The following HNRNPA3 variants were observed in gnomAD, a reference collection of about 807,000 sequenced individuals.
HNRNPA3 encodes the protein heterogeneous nuclear ribonucleoprotein A3.
Under a neutral mutation model 45.8 loss-of-function variants are expected in HNRNPA3, and 3 were observed. That is an observed-to-expected ratio of 0.07 (90% CI 0.03 to 0.17). The LOEUF is 0.17. Among genes scored for constraint, HNRNPA3 ranks in the 10% least tolerant of loss-of-function variants. The pLI is 1.00. For missense variants in HNRNPA3, 183 were observed against 480.3 expected (o/e 0.38, Z 5.79); for synonymous variants, 170 against 155.6 (o/e 1.09, Z -0.69).
At chr2:177,216,149 G>C in exon 4 of HNRNPA3, 1 of 1,584,766 alleles carries the variant, frequency 6.3e-7, no homozygotes, top group Non-Finnish European at 8.6e-7. Context: ...ATTTGCTTTT[G>C]TAACTTTTGA....
chr2:177,218,558 GC>G (rs1055509105), intron 8 of HNRNPA3, among the ~76,000 whole-genome samples: 10 of 152,146 alleles, frequency 6.6e-5, no homozygotes, highest in Non-Finnish European at 1.3e-4. Flanking sequence ...GCCATCTAGG[GC>G]CCAGGTTAAC....
At chr2:177,215,321 C>T (rs932194993) in intron 1 of HNRNPA3, among the ~76,000 whole-genome samples, 2 of 152,154 alleles carry the variant, frequency 1.3e-5, no homozygotes, top group Non-Finnish European at 2.9e-5. Flanking sequence ...TCTCGAACTC[C>T]TGACCTCAGG....
downstream of HNRNPA3, chr2:177,222,374 T>G (rs1689218046): frequency 6.6e-6 from 1 of 152,240 alleles, no homozygotes; most frequent in Non-Finnish European, 1.5e-5. Context: ...AATTCATTTT[T>G]TGTGTCTTCA....
chr2:177,223,451 TA>T (rs1689276917), downstream of HNRNPA3: 1 of 152,186 alleles, frequency 6.6e-6, no homozygotes, highest in Non-Finnish European at 1.5e-5. Flanking sequence ...CTGATTTTGT[TA>T]AACCAATTTG....
intron 3 of HNRNPA3, 21 bp from the exon 4 acceptor site, chr2:177,215,957 A>G: frequency 6.3e-7 from 1 of 1,597,844 alleles, no homozygotes; most frequent in South Asian, 1.1e-5. Flanking sequence ...TTCTTGACTT[A>G]ATATATTACT....
chr2:177,217,046 G>C, intron 7 of HNRNPA3, 106 bp downstream of exon 7: 1 of 1,198,700 alleles, frequency 8.3e-7, no homozygotes, highest in Non-Finnish European at 1.1e-6. Context: ...GTGGCTAAAT[G>C]GTTAAGGTGT....
chr2:177,219,615 A>G (rs1225245146), exon 11 of HNRNPA3: 13 of 263,888 alleles, frequency 4.9e-5, no homozygotes, highest in Non-Finnish European at 8.1e-5. Context: ...AAGTGCAGCT[A>G]TTGATTAATG....
At chr2:177,216,264 G>A in intron 4 of HNRNPA3, 76 bp downstream of exon 4, 2 of 1,014,558 alleles carry the variant, frequency 2.0e-6, no homozygotes, top group Admixed American at 2.2e-5. Flanking sequence ...TTGCTAAATT[G>A]TAATTTTCTG....
chr2:177,216,895 A>T (rs1388201075), exon 7 of HNRNPA3: 1 of 1,598,370 alleles, frequency 6.3e-7, no homozygotes, highest in Non-Finnish European at 8.5e-7. Flanking sequence ...CAGCAGAGGT[A>T]GTTATGGAGG....
At chr2:177,218,976 G>A (rs1310396228) in intron 8 of HNRNPA3, 61 bp from the exon 9 acceptor site, 10 of 1,591,998 alleles carry the variant, frequency 6.3e-6, no homozygotes, top group South Asian at 3.4e-5. Context: ...AGTTACATAC[G>A]TTAAAAGGGG....
chr2:177,217,617 AC>A, intron 7 of HNRNPA3, 87 bp from the exon 8 acceptor site: 5 of 1,522,050 alleles, frequency 3.3e-6, no homozygotes, highest in Non-Finnish European at 4.5e-6. Context: ...ACAGAGCAAG[AC>A]CCAGTCTCTT....
rs1408794196 is a variant in HNRNPA3 at position 177,215,740 on chromosome 2, T to C, written c.196-10T>C. On this transcript the variant is annotated splice_polypyrimidine_tract_variant and intron_variant, in intron 2 of 10. Coordinates refer to ENST00000392524, the Ensembl canonical transcript of HNRNPA3. ...GTGTTTTCAACGTTATAAAACTTTT[T>C]ATTTTGTAGGTAATGAGAGACCCCC... 3 of 1,610,580 alleles carry C rather than the reference T, an allele frequency of 1.9e-6. No individual in the cohort carries two copies. Among genetic ancestry groups the C allele is most frequent in the Non-Finnish European group, 2.5e-6 (3 of 1,178,974 alleles).
At chr2:177,215,595 C>T (rs534213723) in exon 2 of HNRNPA3, 1 of 1,613,678 alleles carries the variant, frequency 6.2e-7, no homozygotes, top group South Asian at 1.1e-5. Flanking sequence ...GTGGTCTGAG[C>T]TTTGAAACTA....
chr2:177,223,860 T>C (rs982682448), downstream of HNRNPA3: 1 of 152,200 alleles, frequency 6.6e-6, no homozygotes, highest in Non-Finnish European at 1.5e-5. Context: ...GAAATGTGTG[T>C]GTTGTTTTGT....
intron 8 of HNRNPA3, among the ~76,000 whole-genome samples, chr2:177,218,150 C>T (rs1434091153): frequency 6.7e-6 from 1 of 149,654 alleles, no homozygotes; most frequent in African/African-American, 2.5e-5. Context: ...CAATCTCCGC[C>T]TCCCGGGTTC....
At chr2:177,218,045 C>CTTT (rs1182076649) in intron 8 of HNRNPA3, among the ~76,000 whole-genome samples, 200 bp downstream of exon 8, 8 of 107,668 alleles carry the variant, frequency 7.4e-5, no homozygotes, top group Admixed American at 2.5e-4. Context: ...ACTCAGCTCT[C>CTTT]TTTTTTCTTT....
chr2:177,221,485 G>C (rs1198799785), downstream of HNRNPA3: 1 of 152,552 alleles, frequency 6.6e-6, no homozygotes, highest in East Asian at 1.9e-4. Flanking sequence ...CTATGTTCTG[G>C]AACTAGTATT....
chr2:177,215,161 GACAT>G (rs1688878327), intron 1 of HNRNPA3, among the ~76,000 whole-genome samples: 1 of 152,128 alleles, frequency 6.6e-6, no homozygotes, highest in African/African-American at 2.4e-5. Context: ...GGAGTGTAAT[GACAT>G]GATCTTGGCT....
rs527250527 is a variant in HNRNPA3, at chr2:177,215,143, C to A, written c.73-396C>A. On this transcript the variant is annotated intron_variant, in intron 1 of 10. Coordinates refer to ENST00000392524, the Ensembl canonical transcript of HNRNPA3. ...TGAGACGGAGTTTTCGCTCCTATGG[C>A]CCAGGCTGGAGTGTAATGACATGAT... 3.3e-4 allele frequency among the ~76,000 whole-genome samples: 50 copies of A among 152,190 alleles called. 1 individual carries two copies. The highest frequency in any genetic ancestry group is 1.1e-3 in the African/African-American group (46 of 41,518).
Sources: gnomAD v4.1 joint callset for allele counts (sites outside exome capture counted in the v4.1 genomes callset) on GRCh38, gnomAD v4.1.1 for gene constraint, MANE v1.5 for transcripts, NCBI Gene and HGNC (gene_info 2026-07-23, HGNC 2026-07-21) for gene names.